The following ZC2HC1B variants were observed in gnomAD, a reference collection of about 807,000 sequenced individuals.
ZC2HC1B encodes the protein zinc finger C2HC domain-containing protein 1B.
ZC2HC1B carries 36 observed loss-of-function variants against 31.0 expected under a neutral mutation model. That is an observed-to-expected ratio of 1.16 (90% CI 0.89 to 1.54). The LOEUF is 1.54. Among genes scored for constraint, ZC2HC1B ranks in the 40% most tolerant of loss-of-function variants. ZC2HC1B has a pLI of 0.00. For synonymous variants in ZC2HC1B, 73 were observed against 88.0 expected (o/e 0.83, Z 0.95); for missense variants, 260 against 268.6 (o/e 0.97, Z 0.22).
At chr6:143,888,195 A>G (rs1777553984) in intron 4 of ZC2HC1B, among the ~76,000 whole-genome samples, 1 of 152,096 alleles carries the variant, frequency 6.6e-6, no homozygotes, top group Non-Finnish European at 1.5e-5. Context: ...CACCATTATC[A>G]AAAGTCACTT....
chr6:143,865,617 T>C lies in ZC2HC1B; in HGVS notation c.28+1050T>C, dbSNP rs1777249501. 6.6e-6 allele frequency among the ~76,000 whole-genome samples: 1 copy of C among 152,224 alleles called. No homozygotes were observed. Among genetic ancestry groups the C allele is most frequent in the Non-Finnish European group, 1.5e-5 (1 of 68,040 alleles). ...GAAGGCACAGTGTTTTATTTATTGC[T>C]TTATCCTTAGGTCTGGAAGGGTGCC... On this transcript the variant is annotated intron_variant, in intron 1 of 7. Transcript: ENST00000237275. This position sits in a 1 kb window ranked among gnomAD's most constrained non-coding sequence, Gnocchi z 4.4.
rs939200874 is a variant in ZC2HC1B at position 143,868,803 on chromosome 6, A to G, written c.28+4236A>G. On this transcript the variant is annotated intron_variant, in intron 1 of 7. Coordinates refer to ENST00000237275, the MANE Select transcript of ZC2HC1B (RefSeq NM_001013623.3). This position sits in a 1 kb window ranked among gnomAD's most constrained non-coding sequence, Gnocchi z 4.2. ...TCCTTAATACAACCAGAAATGCACC[A>G]ATCCCCAACCCAAATACTATTACAT... 3.3e-5 allele frequency among the ~76,000 whole-genome samples: 5 copies of G among 152,230 alleles called. No individual in the cohort carries two copies. Among genetic ancestry groups the G allele is most frequent in the African/African-American group, 9.6e-5 (4 of 41,464 alleles).
chr6:143,881,380 G>A (rs1366843208), intron 1 of ZC2HC1B, among the ~76,000 whole-genome samples: 6 of 151,434 alleles, frequency 4.0e-5, no homozygotes, highest in African/African-American at 1.2e-4. Context: ...GTGAGACCCC[G>A]TCTCCACAAA....
intron 4 of ZC2HC1B, among the ~76,000 whole-genome samples, chr6:143,893,034 T>G (rs1380294069): frequency 6.7e-6 from 1 of 150,372 alleles, no homozygotes; most frequent in Non-Finnish European, 1.5e-5. Flanking sequence ...AGTTACAGAC[T>G]GGGAGAAAAT....
At position 143,924,357 on chromosome 6, in the gene ZC2HC1B, ATATATATGTATTACATATATATATCCATG is replaced by A; in HGVS notation, c.599-13284_599-13256del. ...GGTGGAGTCTTTAGGTTTTATATAT[ATATATATGTATTACATATATATATCCATG>A]TATATATAATACACACACACACATA... On this transcript the variant is annotated intron_variant, in intron 6 of 7. Transcript: ENST00000237275. The surrounding 1 kb of genome is among the most constrained non-coding windows in gnomAD (Gnocchi z 5.2). Among the ~76,000 whole-genome samples the A allele has an allele frequency of 6.6e-6, 1 of 151,052 alleles. No homozygotes were observed. The highest frequency in any genetic ancestry group is 1.5e-5 in the Non-Finnish European group (1 of 67,782).
intron 6 of ZC2HC1B, among the ~76,000 whole-genome samples, chr6:143,920,992 C>A (rs1322475072): frequency 1.3e-5 from 2 of 151,658 alleles, no homozygotes; most frequent in Non-Finnish European, 2.9e-5. Flanking sequence ...TTGAAAAAAA[C>A]CGAATCCCAA....
chr6:143,898,295 A>G (rs755426266), intron 4 of ZC2HC1B, among the ~76,000 whole-genome samples: 2 of 151,974 alleles, frequency 1.3e-5, no homozygotes, highest in Non-Finnish European at 2.9e-5. Context: ...TATCCTCTCA[A>G]GTGGCTGGAA....
chr6:143,900,390 C>CAAAA (rs200482247), intron 5 of ZC2HC1B, among the ~76,000 whole-genome samples: 1 of 84,416 alleles, frequency 1.2e-5, no homozygotes, highest in Admixed American at 1.3e-4. Flanking sequence ...AACTCCGTCT[C>CAAAA]AAAAAAAAAA....
At chr6:143,896,723 T>A (rs1448618598) in intron 4 of ZC2HC1B, among the ~76,000 whole-genome samples, 8 of 152,134 alleles carry the variant, frequency 5.3e-5, no homozygotes, top group Non-Finnish European at 1.2e-4. Context: ...AAATGGAAGC[T>A]TAAGGAGGTT....
intron 6 of ZC2HC1B, among the ~76,000 whole-genome samples, chr6:143,914,890 G>A (rs1213293519): frequency 2.0e-5 from 3 of 151,848 alleles, no homozygotes; most frequent in Non-Finnish European, 4.4e-5. Flanking sequence ...ATCTATTTTT[G>A]TCTTTGGATC....
At chr6:143,877,438 A>G (rs1696539282) in intron 1 of ZC2HC1B, among the ~76,000 whole-genome samples, 1 of 147,824 alleles carries the variant, frequency 6.8e-6, no homozygotes, top group Non-Finnish European at 1.5e-5. Flanking sequence ...ATGTACCACC[A>G]CGCCTGGCTA....
rs1322677644 is a variant in ZC2HC1B, at chr6:143,933,456, A to G, written c.599-4193A>G. Among the ~76,000 whole-genome samples, 1 of 152,138 alleles carries G rather than the reference A, an allele frequency of 6.6e-6. No homozygotes were observed. Among genetic ancestry groups the G allele is most frequent in the Non-Finnish European group, 1.5e-5 (1 of 68,018 alleles). ...TTGGACCGGGTAGAGAAATACTATC[A>G]GGTGCAGGCAGGATTAGGTAGGTTT... On this transcript the variant is annotated intron_variant, in intron 6 of 7. Transcript: ENST00000237275. This position sits in a 1 kb window ranked among gnomAD's most constrained non-coding sequence, Gnocchi z 6.4.
intron 6 of ZC2HC1B, among the ~76,000 whole-genome samples, chr6:143,926,767 A>G (rs1197452062): frequency 7.2e-6 from 1 of 138,364 alleles, no homozygotes; most frequent in Non-Finnish European, 1.5e-5. Flanking sequence ...ATCTAATAAT[A>G]TTTGCTATAT....
intron 1 of ZC2HC1B, among the ~76,000 whole-genome samples, chr6:143,880,413 A>G (rs1582953769): frequency 6.6e-6 from 1 of 152,232 alleles, no homozygotes; most frequent in African/African-American, 2.4e-5. Context: ...AAGTTTGGAA[A>G]TACAGAAAAC....
At chr6:143,867,015 C>T (rs768689071) in intron 1 of ZC2HC1B, among the ~76,000 whole-genome samples, 15 of 152,042 alleles carry the variant, frequency 9.9e-5, no homozygotes, top group African/African-American at 2.2e-4. Context: ...TAGAAAATAC[C>T]GTGTATAAGT....
In ZC2HC1B at chr6:143,871,361, G is replaced by C. The variant is rs764138135; in HGVS notation, c.28+6794G>C. ...AAACAGTTAATATACCTCTGAGGTA[G>C]AACAGTAAAGGTATATTGCTGGCCT... On this transcript the variant is annotated intron_variant, in intron 1 of 7. Transcript: ENST00000237275. The surrounding 1 kb of genome is among the most constrained non-coding windows in gnomAD (Gnocchi z 4.1). 4.0e-4 allele frequency among the ~76,000 whole-genome samples: 61 copies of C among 152,210 alleles called. No homozygotes were observed. The highest frequency in any genetic ancestry group is 5.4e-4 in the Non-Finnish European group (37 of 68,038).
At chr6:143,900,084 A>G (rs565160398) in intron 5 of ZC2HC1B, among the ~76,000 whole-genome samples, 7 of 152,266 alleles carry the variant, frequency 4.6e-5, no homozygotes, top group African/African-American at 1.4e-4. Context: ...GAAAGCATAG[A>G]GTACCTACGA....
rs1777245906 is a variant in ZC2HC1B at position 143,865,425 on chromosome 6, G to T, written c.28+858G>T. Among the ~76,000 whole-genome samples the T allele has an allele frequency of 6.6e-6, 1 of 152,154 alleles. No individual in the cohort carries two copies. Among genetic ancestry groups the T allele is most frequent in the Non-Finnish European group, 1.5e-5 (1 of 68,032 alleles). ...TGCAGACAGACCTTCCTCATGGTTG[G>T]TGCTCAGCTGTAACCTTCACTATAG... On this transcript the variant is annotated intron_variant, in intron 1 of 7. Transcript: ENST00000237275. The surrounding 1 kb of genome is among the most constrained non-coding windows in gnomAD (Gnocchi z 4.4).
At chr6:143,919,706 G>T (rs1384186456) in intron 6 of ZC2HC1B, among the ~76,000 whole-genome samples, 2 of 152,196 alleles carry the variant, frequency 1.3e-5, no homozygotes, top group Non-Finnish European at 2.9e-5. Context: ...GCAGAGCTCT[G>T]CCACACAGCA....
Sources: gnomAD v4.1 joint callset for allele counts (sites outside exome capture counted in the v4.1 genomes callset) on GRCh38, gnomAD v4.1.1 for gene constraint, Gnocchi (gnomAD v3.1) non-coding constraint, MANE v1.5 for transcripts, NCBI Gene and HGNC (gene_info 2026-07-23, HGNC 2026-07-21) for gene names.